PKD1: variants seen among roughly 807,000 people sequenced by gnomAD.
The protein encoded by PKD1 is polycystin 1, transient receptor potential channel interacting, also known as polycystin-1.
Under a neutral mutation model 361.7 loss-of-function variants are expected in PKD1, and 81 were observed. That is an observed-to-expected ratio of 0.22 (90% CI 0.19 to 0.27). PKD1 has a LOEUF of 0.27. PKD1 is among the 10% of genes least tolerant of loss of function. PKD1 has a pLI of 1.00. For missense variants in PKD1, 6,399 were observed against 6,118.3 expected (o/e 1.05, Z -1.53); for synonymous variants, 3,615 against 2,818.3 (o/e 1.28, Z -8.95).
rs780009030 is a variant in PKD1, at chr16:2,097,376, C to T, written c.10348G>A (p.Glu3450Lys). Residue 3450 changes from glutamate (E) to lysine (K), a missense_variant, in exon 33 of 46, where the codon GAG becomes AAG. Coordinates refer to ENST00000262304, the MANE Select transcript of PKD1 (RefSeq NM_001009944.3). The part of the protein sequence containing the change: ...GQAGHGLGPE[E>K]DGFSLASPYS... ...GGGCTGGCCAGGGAGAAGCCGTCCT[C>T]CTCTGGGCCCAGCCCATGGCCCGCC... 6.2e-6 allele frequency: 10 copies of T among 1,611,692 alleles called. No homozygotes were observed. The highest frequency in any genetic ancestry group is 4.0e-5 in the African/African-American group (3 of 74,938).
In PKD1 at chr16:2,089,977, G is replaced by A; in HGVS notation, c.12662C>T (p.Ala4221Val). The change falls in exon 46 of 46, where the codon GCC becomes GTC. Residue 4221 changes from alanine to valine, a missense_variant. Physicochemically the swap from Ala to Val is moderately conservative, Grantham distance 64 (BLOSUM62 0). Coordinates refer to ENST00000262304, the MANE Select transcript of PKD1 (RefSeq NM_001009944.3). ...EPSRLQAVFEALLTQFDRLNQ... is the reference protein window; with the variant it reads ...EPSRLQAVFEVLLTQFDRLNQ... ...GAGTCGGTCAAACTGGGTGAGCAGG[G>A]CCTCGAACACGGCTTGGAGGCGGGA... 1.2e-6 allele frequency: 2 copies of A among 1,611,982 alleles called. No individual in the cohort carries two copies. The highest frequency in any genetic ancestry group is 8.5e-7 in the Non-Finnish European group (1 of 1,179,688).
Position 2,108,866 on chromosome 16 carries a change from G to A in PKD1, c.6301C>T (p.Pro2101Ser), listed in dbSNP as rs145266746. ...CTGGGCTCATCTGTGTCCTGCCCTG[G>A]CGACCCATCCCCAAAGTCCCAGTGG... ...AYHWDFGDGS[P>S]GQDTDEPRAE... Residue 2101 changes from proline (P) to serine (S), a missense_variant, in exon 15 of 46, where the codon CCA (proline) becomes TCA (serine). Transcript: ENST00000262304. 5.3e-5 allele frequency: 84 copies of A among 1,576,644 alleles called. 1 individual carries two copies. Among genetic ancestry groups the A allele is most frequent in the Non-Finnish European group, 6.9e-5 (80 of 1,162,504 alleles).
chr16:2,096,494 T>G (rs2091853660), intron 34 of PKD1, among the ~76,000 whole-genome samples: 1 of 152,238 alleles, frequency 6.6e-6, no homozygotes, highest in Non-Finnish European at 1.5e-5. Flanking sequence ...GTTGATAAGT[T>G]ACAAAACAAC....
chr16:2,115,682 T>G (rs1023169783), intron 9 of PKD1, 57 bp from the exon 10 acceptor site: 1 of 1,514,812 alleles, frequency 6.6e-7, no homozygotes, highest in Non-Finnish European at 9.0e-7. Flanking sequence ...CCGTCAGAGA[T>G]GCCCAACTGC....
At chr16:2,123,330 C>T (rs949644152) in intron 1 of PKD1, 43 of 349,944 alleles carry the variant, frequency 1.2e-4, no homozygotes, top group African/African-American at 5.0e-4. Context: ...AGTCCCCCAG[C>T]CCCCAGGGTG....
At position 2,111,828 on chromosome 16, in the gene PKD1, G is replaced by A; in HGVS notation, c.3339C>T (p.Asn1113=). The change falls in exon 15 of 46, where the codon AAC becomes AAT. Residue 1113 remains asparagine, a synonymous_variant. Coordinates refer to ENST00000262304, the MANE Select transcript of PKD1 (RefSeq NM_001009944.3). ...LTVLASNAFE[N]LTQQVPVSVR... ...CGCTCACAGGCACCTGCTGCGTCAG[G>A]TTCTCGAAGGCATTAGATGCCAGCA... The A allele has an allele frequency of 2.5e-6, 4 of 1,610,304 alleles. No individual in the cohort carries two copies. Among genetic ancestry groups the A allele is most frequent in the East Asian group, 4.5e-5 (2 of 44,862 alleles).
intron 1 of PKD1, among the ~76,000 whole-genome samples, chr16:2,134,043 C>T (rs2092919891): frequency 7.0e-6 from 1 of 142,538 alleles, no homozygotes; most frequent in Non-Finnish European, 1.5e-5. Context: ...ACAGAGTCCC[C>T]AGTGACCGGC....
At chr16:2,115,676 C>G in intron 9 of PKD1, 51 bp from the exon 10 acceptor site, 1 of 1,552,040 alleles carries the variant, frequency 6.4e-7, no homozygotes, top group South Asian at 1.1e-5. Flanking sequence ...AGGCCACCGT[C>G]AGAGATGCCC....
intron 33 of PKD1, 29 bp downstream of exon 33, chr16:2,097,290 C>T: frequency 6.2e-7 from 1 of 1,610,648 alleles, no homozygotes; most frequent in East Asian, 2.2e-5. Context: ...GGGTGAGCTT[C>T]AGAGCCCCCT....
intron 6 of PKD1, 110 bp downstream of exon 6, chr16:2,117,379 G>A (rs1662945613): frequency 2.5e-6 from 2 of 802,594 alleles, no homozygotes; most frequent in Non-Finnish European, 3.9e-6. Context: ...GCTCACCAGG[G>A]CCGGCCCAGC....
At position 2,109,797 on chromosome 16, in the gene PKD1, G is replaced by C. The variant is rs538602738; in HGVS notation, c.5370C>G (p.Ala1790=). 2.5e-6 allele frequency: 4 copies of C among 1,610,268 alleles called. No individual in the cohort carries two copies. Among genetic ancestry groups the C allele is most frequent in the Non-Finnish European group, 3.4e-6 (4 of 1,179,602 alleles). Residue 1790 remains alanine, a synonymous_variant, in exon 15 of 46, where the codon GCC becomes GCG. Transcript: ENST00000262304. ...TMTAGNPLGS[A]NATVEVDVQV... is the part of the protein sequence containing the mutation. The stretch of plus-strand genomic sequence containing the variant: ...GCACATCCACTTCCACGGTGGCGTT[G>C]GCTGAGCCCAGCGGGTTCCCTGCCG...
At position 2,115,956 on chromosome 16, in the gene PKD1, C is replaced by T. The variant is rs752466572; in HGVS notation, c.1849+36G>A. The T allele has an allele frequency of 4.1e-5, 62 of 1,505,680 alleles. No homozygotes were observed. In the Admixed American group the frequency reaches 1.0e-3, roughly 25 times the overall value. The allele number at this position is 1,505,680 out of a possible 1,614,324, so 93.3% of individuals were successfully genotyped here. ...AGAGAGGCCACCCCGAGTCCTGCGG[C>T]GCCCACCACCCACCACCCACCACCC... On this transcript the variant is annotated intron_variant, in intron 9 of 45. Coordinates refer to ENST00000262304, the MANE Select transcript of PKD1 (RefSeq NM_001009944.3).
At chr16:2,127,167 C>T (rs1208585670) in intron 1 of PKD1, among the ~76,000 whole-genome samples, 2 of 152,238 alleles carry the variant, frequency 1.3e-5, no homozygotes, top group African/African-American at 2.4e-5. Context: ...CACCACCTAA[C>T]AGCAAGAATG....
intron 1 of PKD1, among the ~76,000 whole-genome samples, chr16:2,121,735 G>A (rs1303456947): frequency 3.0e-5 from 1 of 33,488 alleles, no homozygotes; most frequent in African/African-American, 1.7e-4. Context: ...ACTCCCAGTA[G>A]TGCTCCTGGC....
intron 1 of PKD1, among the ~76,000 whole-genome samples, chr16:2,131,132 A>G (rs971304203): frequency 5.9e-5 from 9 of 152,228 alleles, no homozygotes; most frequent in Non-Finnish European, 1.2e-4. Flanking sequence ...CACCCCCAAG[A>G]CACAGCGAGA....
rs2092027045 is a variant in PKD1, at chr16:2,100,052, G to T, written c.9732C>A (p.Arg3244=). The T allele has an allele frequency of 1.1e-5, 18 of 1,593,712 alleles. No individual in the cohort carries two copies. The highest frequency in any genetic ancestry group is 1.5e-5 in the Non-Finnish European group (18 of 1,171,728). Residue 3244 remains arginine (R), a synonymous_variant, in exon 29 of 46, where the codon CGC becomes CGA. Coordinates refer to ENST00000262304, the MANE Select transcript of PKD1 (RefSeq NM_001009944.3). This position sits in a 1 kb window ranked among gnomAD's most constrained non-coding sequence, Gnocchi z 4.4. ...GCTCAGCCACCAGCAGGCGCCGGAA[G>T]CGCAAAAGGGCTGCGTCGCCTAGAA... ...VLAASDAALL[R]FRRLLVAELQ...
intron 16 of PKD1, 85 bp downstream of exon 16, chr16:2,107,798 A>C (rs1048819381): frequency 6.1e-6 from 8 of 1,309,302 alleles, no homozygotes; most frequent in Non-Finnish European, 8.5e-6. Flanking sequence ...TGCGGCCTCC[A>C]CCAGCACTAA....
chr16:2,105,700 G>A lies in PKD1; in HGVS notation c.7863+165C>T, dbSNP rs2092314100. 4.6e-6 allele frequency: 6 copies of A among 1,293,016 alleles called. No homozygotes were observed. In the African/African-American group the frequency reaches 5.9e-5, roughly 13 times the overall value. The allele number at this position is 1,293,016 out of a possible 1,614,324, so 80.1% of individuals were successfully genotyped here. ...AAGCAGACGCCGGAGAGGGCCCGGT[G>A]GGTGTGGCTGCTGGGAGCGGAAGGT... On this transcript the variant is annotated intron_variant, in intron 20 of 45. Transcript: ENST00000262304.
chr16:2,098,382 G>T (rs1030085253), intron 30 of PKD1, among the ~76,000 whole-genome samples: 1 of 151,524 alleles, frequency 6.6e-6, no homozygotes, highest in Non-Finnish European at 1.5e-5. Context: ...CTAATTTTTT[G>T]TATTTTTAGT....
Sources: gnomAD v4.1 joint callset for allele counts (sites outside exome capture counted in the v4.1 genomes callset) on GRCh38, gnomAD v4.1.1 for gene constraint, Gnocchi (gnomAD v3.1) non-coding constraint, MANE v1.5 for transcripts, NCBI Gene and HGNC (gene_info 2026-07-23, HGNC 2026-07-21) for gene names.